The following ROBO1 variants were observed in gnomAD, a reference collection of about 807,000 sequenced individuals.
ROBO1 encodes the protein roundabout guidance receptor 1.
Under a neutral mutation model 195.9 loss-of-function variants are expected in ROBO1, and 149 were observed. The observed-to-expected ratio is 0.76, with a 90% confidence interval of 0.67 to 0.87. The LOEUF (loss-of-function observed/expected upper bound fraction) is 0.87. ROBO1 is among the 40% of genes least tolerant of loss of function. The pLI, the probability that ROBO1 is intolerant of heterozygous loss-of-function variation, is 0.00. For synonymous variants in ROBO1, 816 were observed against 733.2 expected, an observed-to-expected ratio of 1.11 and a Z score of -1.82; for missense variants, 1,933 against 2,068.3, an observed-to-expected ratio of 0.93 and a Z score of 1.27.
chr3:79,459,176 C>G (rs2039717620), intron 2 of ROBO1, among the ~76,000 whole-genome samples: 1 of 151,398 alleles, frequency 6.6e-6, no homozygotes, highest in South Asian at 2.1e-4. Flanking sequence ...TAAACATGTT[C>G]CTATGTTCAA....
chr3:79,174,707 C>G (rs958748797), intron 2 of ROBO1, among the ~76,000 whole-genome samples: 16 of 143,470 alleles, frequency 1.1e-4, no homozygotes, highest in Admixed American at 2.8e-4. Flanking sequence ...ACTAAAAATA[C>G]AAAAAAAAAA....
At chr3:79,153,708 A>G (rs2080811259) in intron 2 of ROBO1, among the ~76,000 whole-genome samples, 1 of 141,680 alleles carries the variant, frequency 7.1e-6, no homozygotes, top group Non-Finnish European at 1.5e-5. Flanking sequence ...CTCTTTATAT[A>G]TTTATTTATT....
chr3:79,734,487 T>G (rs922470133), intron 1 of ROBO1, among the ~76,000 whole-genome samples: 1 of 152,212 alleles, frequency 6.6e-6, no homozygotes, highest in Admixed American at 6.5e-5. Context: ...TAAAACTGTT[T>G]TGCAAAAAAT....
chr3:79,371,334 T>A (rs951092393), intron 2 of ROBO1, among the ~76,000 whole-genome samples: 2 of 152,136 alleles, frequency 1.3e-5, no homozygotes, highest in African/African-American at 2.4e-5. Context: ...TGGAAACATA[T>A]TTGAATACCT....
chr3:79,300,554 C>T (rs1039437431), intron 2 of ROBO1, among the ~76,000 whole-genome samples: 1 of 152,204 alleles, frequency 6.6e-6, no homozygotes, highest in Non-Finnish European at 1.5e-5. Flanking sequence ...GCGCTGACCC[C>T]CGCTCCATGG....
In ROBO1 at chr3:79,382,366, T is replaced by A. The variant is rs997437071; in HGVS notation, c.88+207458A>T. Among the ~76,000 whole-genome samples, 3 of 152,146 alleles carry A rather than the reference T, an allele frequency of 2.0e-5. No individual in the cohort carries two copies. In the East Asian group the frequency reaches 5.8e-4, roughly 29 times the overall value. ...AAGTTATAATGAAGGAAAAAATCAA[T>A]GAGTGTATCTGGCTAACATATAGAA... On this transcript the variant is annotated intron_variant, in intron 2 of 30. Coordinates refer to ENST00000464233, the MANE Select transcript of ROBO1 (RefSeq NM_002941.4).
intron 2 of ROBO1, among the ~76,000 whole-genome samples, chr3:79,244,879 T>A (rs1456656846): frequency 6.6e-6 from 1 of 152,076 alleles, no homozygotes; most frequent in East Asian, 1.9e-4. Context: ...TTTTTCCACT[T>A]TATTTTTATT....
intron 3 of ROBO1, among the ~76,000 whole-genome samples, chr3:79,113,661 G>T (rs1178544638): frequency 6.6e-6 from 1 of 152,002 alleles, no homozygotes; most frequent in African/African-American, 2.4e-5. Context: ...GAGCTACTTG[G>T]GAGGCTGAGG....
At chr3:78,809,852 A>G (rs568717967) in intron 4 of ROBO1, among the ~76,000 whole-genome samples, 1 of 152,158 alleles carries the variant, frequency 6.6e-6, no homozygotes, top group East Asian at 1.9e-4. Context: ...GGTGGGAGCT[A>G]GGGGAGGGAT....
rs201550712 is a variant in ROBO1 at position 79,700,309 on chromosome 3, G to T, written c.-51+67443C>A. The stretch of plus-strand genomic sequence containing the variant: ...AACACGTGTGTGTGTGTGTTTGTGT[G>T]TGTGTGTTTGTGTGTGTGTGTGTGT... On this transcript the variant is annotated intron_variant, in intron 1 of 30. Coordinates refer to ENST00000464233, the MANE Select transcript of ROBO1 (RefSeq NM_002941.4). 5.3e-4 allele frequency among the ~76,000 whole-genome samples: 47 copies of T among 88,538 alleles called. No individual in the cohort carries two copies. In the South Asian group the frequency reaches 5.4e-3, roughly 10 times the overall value. 58.1% of individuals were successfully genotyped at this position (88,538 alleles called of 152,430 possible). A position where few individuals can be genotyped will look rare whatever the true frequency, so the allele number is the denominator to read the frequency against.
chr3:79,405,363 G>T (rs2037508141), intron 2 of ROBO1, among the ~76,000 whole-genome samples: 1 of 152,164 alleles, frequency 6.6e-6, no homozygotes, highest in Non-Finnish European at 1.5e-5. Context: ...AGTGACAATT[G>T]TATGTTATGA....
intron 3 of ROBO1, among the ~76,000 whole-genome samples, chr3:78,964,548 T>C (rs2041575209): frequency 2.6e-5 from 4 of 152,162 alleles, no homozygotes; most frequent in Admixed American, 2.6e-4. Flanking sequence ...ACAGAAGTTC[T>C]TAAAAGAGTT....
At chr3:78,615,776 A>G (rs1704077095) in intron 27 of ROBO1, among the ~76,000 whole-genome samples, 1 of 152,214 alleles carries the variant, frequency 6.6e-6, no homozygotes, top group South Asian at 2.1e-4. Flanking sequence ...ACACATTTAA[A>G]GATGATAACT....
At chr3:78,665,380 C>T (rs547577926) in intron 14 of ROBO1, among the ~76,000 whole-genome samples, 5 of 152,286 alleles carry the variant, frequency 3.3e-5, no homozygotes, top group African/African-American at 4.8e-5. Context: ...ATATACTTCC[C>T]GTAAGCCTGC....
At chr3:78,661,945 T>A in intron 15 of ROBO1, 48 bp downstream of exon 15, 1 of 1,583,288 alleles carries the variant, frequency 6.3e-7, no homozygotes, top group Non-Finnish European at 8.6e-7. Flanking sequence ...ATTGCAATGA[T>A]CTCGCAGACG....
intron 1 of ROBO1, among the ~76,000 whole-genome samples, chr3:79,750,915 A>G (rs1172823260): frequency 1.3e-5 from 2 of 152,232 alleles, no homozygotes; most frequent in Non-Finnish European, 2.9e-5. Flanking sequence ...CTAGCACCAC[A>G]GAAGAAAAAT....
intron 14 of ROBO1, among the ~76,000 whole-genome samples, chr3:78,665,836 T>A (rs1156409380): frequency 1.3e-5 from 2 of 152,148 alleles, no homozygotes. Flanking sequence ...AAAAAAAGTC[T>A]TTGATTTCAC....
intron 10 of ROBO1, among the ~76,000 whole-genome samples, chr3:78,678,115 T>C (rs1323387697): frequency 5.9e-5 from 9 of 152,134 alleles, no homozygotes; most frequent in Non-Finnish European, 4.4e-5. Context: ...AAAGATGTTC[T>C]TTGAAACCAA....
chr3:79,332,628 G>A (rs1294694917), intron 2 of ROBO1, among the ~76,000 whole-genome samples: 2 of 152,120 alleles, frequency 1.3e-5, no homozygotes, highest in Non-Finnish European at 2.9e-5. Flanking sequence ...AATAAACTAG[G>A]GGTGCAATGG....
Sources: allele counts gnomAD v4.1 joint callset (sites outside exome capture counted in the v4.1 genomes callset), GRCh38; gene constraint gnomAD v4.1.1; transcripts MANE v1.5; gene names NCBI Gene and HGNC (gene_info 2026-07-23, HGNC 2026-07-21).